Variants in NOVA1 observed in about 807,000 individuals in gnomAD.
The protein encoded by NOVA1 is RNA-binding protein Nova-1.
A neutral mutation model predicts 38.0 loss-of-function variants in NOVA1; 7 were observed. The ratio of observed to expected loss-of-function variants is 0.18; its 90% CI spans 0.10 to 0.35. The LOEUF (loss-of-function observed/expected upper bound fraction) is 0.35. NOVA1 is among the 10% of genes least tolerant of loss of function. The probability of loss-of-function intolerance (pLI) is 1.00; values close to 1 mark genes in which losing one functional copy is unlikely to be tolerated. For synonymous variants in NOVA1, 270 were observed against 232.5 expected (o/e 1.16, Z -1.47); for missense variants, 460 against 616.0 (o/e 0.75, Z 2.68).
rs1230256516 is a variant in NOVA1, at chr14:26,597,354, CT to C, written c.82del (p.Arg28GlyfsTer25). On this transcript the variant is annotated frameshift_variant, in exon 1 of 5. Transcript: ENST00000539517. LOFTEE classifies it high-confidence loss of function. The stretch of plus-strand genomic sequence containing the variant: ...GGCTTCAGGGGGGGCTTCCAGCGGC[CT>C]TTTCCGCGAGTCCGGCGGGTCCAGG... ...IDLDPPDSRK[R>X]PLEAPPEAGS... 1.6e-6 allele frequency: 2 copies of C among 1,271,866 alleles called. No homozygotes were observed. The highest frequency in any genetic ancestry group is 4.0e-5 in the Admixed American group (1 of 25,280). The allele number at this position is 1,271,866 out of a possible 1,614,324, so 78.8% of individuals were successfully genotyped here. A position where few individuals can be genotyped will look rare whatever the true frequency, so the allele number is the denominator to read the frequency against.
intron 2 of NOVA1, among the ~76,000 whole-genome samples, chr14:26,522,986 C>G (rs910754202): frequency 1.8e-4 from 27 of 152,142 alleles, no homozygotes; most frequent in African/African-American, 6.5e-4. Flanking sequence ...TTTCTTAACT[C>G]AGCTGAAAAT....
rs1324114793 is a variant in NOVA1 at position 26,443,424 on chromosome 14, G to T, written c.*4535C>A. 1 of 151,674 alleles carries T rather than the reference G, an allele frequency of 6.6e-6. No individual in the cohort carries two copies. The highest frequency in any genetic ancestry group is 6.6e-5 in the Admixed American group (1 of 15,224). 9.4% of individuals were successfully genotyped at this position (151,674 alleles called of 1,614,324 possible). On this transcript the variant is annotated 3_prime_UTR_variant, in exon 5 of 5. Coordinates refer to ENST00000539517, the MANE Select transcript of NOVA1 (RefSeq NM_002515.3). ...GATTTGATGTACTTTATTATACAAG[G>T]TAATGCTTCAATTTTCAAGAACAGT...
intron 2 of NOVA1, among the ~76,000 whole-genome samples, chr14:26,568,719 A>G (rs1321158667): frequency 2.0e-5 from 3 of 152,174 alleles, no homozygotes; most frequent in Non-Finnish European, 4.4e-5. Flanking sequence ...TTGATAAACC[A>G]AGGTAATATG....
intron 2 of NOVA1, among the ~76,000 whole-genome samples, chr14:26,551,298 C>T (rs569802510): frequency 4.6e-5 from 7 of 152,118 alleles, no homozygotes; most frequent in African/African-American, 1.7e-4. Context: ...GATAGTCCAA[C>T]TACAAAATGA....
intron 2 of NOVA1, among the ~76,000 whole-genome samples, chr14:26,523,216 G>A (rs1222642090): frequency 6.6e-6 from 1 of 152,152 alleles, no homozygotes; most frequent in East Asian, 1.9e-4. Context: ...TTTTATTTTT[G>A]TGAATAAGAT....
rs1383319003 is a variant in NOVA1, at chr14:26,444,438, A to G, written c.*3521T>C. On this transcript the variant is annotated 3_prime_UTR_variant, in exon 5 of 5. Transcript: ENST00000539517. ...CCATCTGAATGCGATGGAATAATCT[A>G]TCTCTACTGTGCAGGTAGGCTTGTG... 1 of 152,140 alleles carries G rather than the reference A, an allele frequency of 6.6e-6. No individual in the cohort carries two copies. The highest frequency in any genetic ancestry group is 1.5e-5 in the Non-Finnish European group (1 of 68,016). 9.4% of individuals were successfully genotyped at this position (152,140 alleles called of 1,614,324 possible).
chr14:26,597,717 A>T lies in NOVA1; in HGVS notation c.-281T>A, dbSNP rs1894298579. ...GAGAGACGGAGGGTGAAAGAAGAAG[A>T]AGAAAGGAGACAGGGGGAGAGAGTG... is the stretch of plus-strand genomic sequence containing the variant. On this transcript the variant is annotated 5_prime_UTR_variant, in exon 1 of 5. Coordinates refer to ENST00000539517, the MANE Select transcript of NOVA1 (RefSeq NM_002515.3). 9.1e-7 allele frequency: 1 copy of T among 1,094,650 alleles called. No homozygotes were observed. Among genetic ancestry groups the T allele is most frequent in the African/African-American group, 1.7e-5 (1 of 60,286 alleles). 67.8% of individuals were successfully genotyped at this position (1,094,650 alleles called of 1,614,324 possible). A position where few individuals can be genotyped will look rare whatever the true frequency, so the allele number is the denominator to read the frequency against.
intron 2 of NOVA1, among the ~76,000 whole-genome samples, chr14:26,494,735 T>C (rs1314651154): frequency 4.6e-5 from 7 of 151,948 alleles, no homozygotes; most frequent in Admixed American, 3.3e-4. Context: ...TCTCTCTCTC[T>C]TTCTCTCTCT....
At chr14:26,568,833 C>T (rs373874083) in intron 2 of NOVA1, among the ~76,000 whole-genome samples, 3 of 152,084 alleles carry the variant, frequency 2.0e-5, no homozygotes, top group Admixed American at 1.3e-4. Flanking sequence ...GAGTAAAATA[C>T]GCCCTGATCC....
intron 2 of NOVA1, among the ~76,000 whole-genome samples, chr14:26,585,633 C>G (rs182141688): frequency 6.6e-6 from 1 of 151,270 alleles, no homozygotes; most frequent in Admixed American, 6.6e-5. Flanking sequence ...GCTATAAAAT[C>G]TTGTAATATA....
At chr14:26,546,402 TA>T (rs961422588) in intron 2 of NOVA1, among the ~76,000 whole-genome samples, 7 of 152,114 alleles carry the variant, frequency 4.6e-5, no homozygotes, top group South Asian at 2.1e-4. Context: ...AAATAATTTT[TA>T]AAAAATTATC....
intron 2 of NOVA1, among the ~76,000 whole-genome samples, chr14:26,576,179 T>C (rs1004789786): frequency 2.6e-5 from 4 of 151,882 alleles, no homozygotes; most frequent in African/African-American, 9.7e-5. Context: ...ATATACCACC[T>C]GATATGGTAT....
At chr14:26,529,641 T>C (rs900544074) in intron 2 of NOVA1, among the ~76,000 whole-genome samples, 7 of 152,146 alleles carry the variant, frequency 4.6e-5, no homozygotes, top group Non-Finnish European at 5.9e-5. Flanking sequence ...TGGGAGACTA[T>C]CACAAACAGT....
At chr14:26,564,098 T>C (rs961562040) in intron 2 of NOVA1, among the ~76,000 whole-genome samples, 6 of 152,128 alleles carry the variant, frequency 3.9e-5, no homozygotes, top group Non-Finnish European at 8.8e-5. Context: ...CCATGGTCTT[T>C]AGTGTTTTGC....
At chr14:26,489,780 G>C (rs541615214) in intron 2 of NOVA1, among the ~76,000 whole-genome samples, 18 of 151,954 alleles carry the variant, frequency 1.2e-4, no homozygotes, top group Non-Finnish European at 2.2e-4. Context: ...AGGTTACAGT[G>C]ACCAGAGATC....
intron 2 of NOVA1, among the ~76,000 whole-genome samples, chr14:26,576,611 A>G (rs970287678): frequency 2.6e-5 from 4 of 151,512 alleles, no homozygotes; most frequent in Admixed American, 6.6e-5. Flanking sequence ...GTGTGTGTGT[A>G]TATATATATA....
intron 2 of NOVA1, among the ~76,000 whole-genome samples, chr14:26,594,986 G>C (rs151214679): frequency 2.0e-5 from 3 of 152,028 alleles, no homozygotes; most frequent in Admixed American, 1.3e-4. Flanking sequence ...GTACATAATG[G>C]ATTCAGAAGT....
chr14:26,597,027 C>G, intron 1 of NOVA1: 1 of 1,212,564 alleles, frequency 8.2e-7, no homozygotes, highest in Non-Finnish European at 1.0e-6. Context: ...AACCTCTGGA[C>G]CGATTAAATG....
intron 2 of NOVA1, among the ~76,000 whole-genome samples, chr14:26,557,177 C>T (rs999718013): frequency 2.6e-5 from 4 of 152,130 alleles, no homozygotes; most frequent in African/African-American, 4.8e-5. Context: ...TTCTGAGGTA[C>T]TGGGGTTTAA....
Sources: gnomAD v4.1 joint callset for allele counts (sites outside exome capture counted in the v4.1 genomes callset) on GRCh38, gnomAD v4.1.1 for gene constraint, MANE v1.5 for transcripts, NCBI Gene and HGNC (gene_info 2026-07-23, HGNC 2026-07-21) for gene names.